TAFA5: variants seen among roughly 807,000 people sequenced by gnomAD.
TAFA5 encodes the protein chemokine-like protein TAFA-5.
A neutral mutation model predicts 15.3 loss-of-function variants in TAFA5; 6 were observed. That is an observed-to-expected ratio of 0.39 (90% CI 0.21 to 0.77). TAFA5 has a LOEUF of 0.77. Among genes scored for constraint, TAFA5 ranks in the 30% least tolerant of loss-of-function variants. TAFA5 has a pLI of 0.41. For synonymous variants in TAFA5, 103 were observed against 80.7 expected (o/e 1.28, Z -1.48); for missense variants, 161 against 193.1 (o/e 0.83, Z 0.98).
At chr22:48,518,683 C>A (rs1017376824) in intron 1 of TAFA5, among the ~76,000 whole-genome samples, 1 of 152,092 alleles carries the variant, frequency 6.6e-6, no homozygotes, top group Non-Finnish European at 1.5e-5. Context: ...CCCTGAGAGA[C>A]CCCTGACGAG....
At position 48,598,041 on chromosome 22, in the gene TAFA5, CT is replaced by C. The variant is rs1198367077; in HGVS notation, c.113-48551del. Among the ~76,000 whole-genome samples the C allele has an allele frequency of 1.3e-5, 2 of 152,150 alleles. No individual in the cohort carries two copies. Among genetic ancestry groups the C allele is most frequent in the Non-Finnish European group, 2.9e-5 (2 of 68,034 alleles). ...GAGAGCGAGAGGGAGCGAGGTTTCCCTTTTTAAAAATAAGCTTCTGCAGTTT... is the reference window on the plus strand; with the variant it reads ...GAGAGCGAGAGGGAGCGAGGTTTCCCTTTTAAAAATAAGCTTCTGCAGTTT... On this transcript the variant is annotated intron_variant, in intron 1 of 3. Coordinates refer to ENST00000402357, the MANE Select transcript of TAFA5 (RefSeq NM_001082967.3). This position sits in a 1 kb window ranked among gnomAD's most constrained non-coding sequence, Gnocchi z 4.0.
chr22:48,716,910 G>A (rs1259310143), intron 3 of TAFA5, among the ~76,000 whole-genome samples: 1 of 152,170 alleles, frequency 6.6e-6, no homozygotes, highest in African/African-American at 2.4e-5. Flanking sequence ...TAAAAGAAAT[G>A]GGAACTAGGA....
chr22:48,575,732 G>A (rs907499828), intron 1 of TAFA5, among the ~76,000 whole-genome samples: 2 of 145,350 alleles, frequency 1.4e-5, no homozygotes, highest in Non-Finnish European at 3.1e-5. Flanking sequence ...GCACCGTCCG[G>A]TGGGGACCGG....
intron 1 of TAFA5, among the ~76,000 whole-genome samples, chr22:48,634,940 C>A (rs562877729): frequency 6.6e-6 from 1 of 152,224 alleles, no homozygotes; most frequent in African/African-American, 2.4e-5. Flanking sequence ...GGTTTGTGTC[C>A]ACACCAAAGA....
intron 1 of TAFA5, among the ~76,000 whole-genome samples, chr22:48,621,344 T>G (rs1483483158): frequency 6.7e-6 from 1 of 149,568 alleles, no homozygotes; most frequent in African/African-American, 2.5e-5. Flanking sequence ...CATCCCTGCT[T>G]CCATCATTTC....
At chr22:48,636,905 G>A (rs977590414) in intron 1 of TAFA5, among the ~76,000 whole-genome samples, 1 of 152,220 alleles carries the variant, frequency 6.6e-6, no homozygotes, top group Non-Finnish European at 1.5e-5. Context: ...CCAGCTGGAC[G>A]GGACAGGCGC....
intron 1 of TAFA5, among the ~76,000 whole-genome samples, chr22:48,535,745 G>A (rs545668342): frequency 3.2e-4 from 46 of 143,870 alleles, no homozygotes; most frequent in African/African-American, 9.4e-4. Context: ...CACATCACAC[G>A]CACGGTCACA....
In TAFA5 at chr22:48,697,984, A is replaced by G. The variant is rs573411321; in HGVS notation, c.263-9733A>G. 3.3e-5 allele frequency among the ~76,000 whole-genome samples: 5 copies of G among 149,622 alleles called. No individual in the cohort carries two copies. The South Asian group carries it at 1.1e-3, about 32-fold the overall frequency. On this transcript the variant is annotated intron_variant, in intron 2 of 3. Transcript: ENST00000402357. ...TGGTGATGATGGTCCTGTTGATAGGATGGTGAGGATGGTGAGCATGATGGT... is the reference window on the plus strand; with the variant it reads ...TGGTGATGATGGTCCTGTTGATAGGGTGGTGAGGATGGTGAGCATGATGGT...
intron 1 of TAFA5, among the ~76,000 whole-genome samples, chr22:48,498,919 C>T (rs1920938808): frequency 1.3e-5 from 2 of 152,220 alleles, no homozygotes; most frequent in Admixed American, 1.3e-4. Context: ...CTTACAGTTT[C>T]TGGGTTTCTC....
chr22:48,514,759 G>GA (rs1234197955), intron 1 of TAFA5, among the ~76,000 whole-genome samples: 2 of 152,230 alleles, frequency 1.3e-5, no homozygotes, highest in African/African-American at 2.4e-5. Flanking sequence ...GGCAAAAAGG[G>GA]AAAATCCACT....
intron 1 of TAFA5, among the ~76,000 whole-genome samples, chr22:48,611,621 G>C (rs1925413777): frequency 6.6e-6 from 1 of 152,162 alleles, no homozygotes; most frequent in South Asian, 2.1e-4. Context: ...GAGACCTTCA[G>C]AGATGTCGCC....
intron 3 of TAFA5, among the ~76,000 whole-genome samples, chr22:48,747,165 G>A (rs1178348142): frequency 3.9e-5 from 6 of 152,200 alleles, no homozygotes; most frequent in Non-Finnish European, 1.5e-5. Flanking sequence ...AGAACTAAGG[G>A]GCCCTGGGAC....
Position 48,609,380 on chromosome 22 carries a change from C to T in TAFA5, c.113-37217C>T, listed in dbSNP as rs570195808. ...GTCCGAGACCTGTGGCATCACTGTC[C>T]GTGCATTGTCTGTGGTGTGAGACCT... is the stretch of plus-strand genomic sequence containing the variant. On this transcript the variant is annotated intron_variant, in intron 1 of 3. Transcript: ENST00000402357. Among the ~76,000 whole-genome samples, 25 of 152,290 alleles carry T rather than the reference C, an allele frequency of 1.6e-4. No homozygotes were observed. In the South Asian group the frequency reaches 4.1e-3, roughly 25 times the overall value.
At chr22:48,509,343 A>T (rs556204467) in intron 1 of TAFA5, among the ~76,000 whole-genome samples, 11 of 152,214 alleles carry the variant, frequency 7.2e-5, no homozygotes, top group East Asian at 3.9e-4. Flanking sequence ...GGATTGCTAG[A>T]TGAGGGCGTA....
intron 1 of TAFA5, among the ~76,000 whole-genome samples, chr22:48,520,382 A>G (rs965222134): frequency 2.0e-5 from 3 of 152,184 alleles, no homozygotes; most frequent in Admixed American, 2.0e-4. Context: ...CCTTCTGTCC[A>G]TTCCACCGTG....
At chr22:48,537,945 G>A (rs1922228493) in intron 1 of TAFA5, among the ~76,000 whole-genome samples, 1 of 152,216 alleles carries the variant, frequency 6.6e-6, no homozygotes, top group Non-Finnish European at 1.5e-5. Context: ...ATTCCCCCGT[G>A]GGCCATTTGG....
At chr22:48,666,514 T>TACTGAGGCCCGTGACCAGCCGA (rs1555897556) in intron 2 of TAFA5, among the ~76,000 whole-genome samples, 44 of 148,560 alleles carry the variant, frequency 3.0e-4, no homozygotes, top group South Asian at 4.3e-4. Flanking sequence ...TGACCAGGCG[T>TACTGAGGCCCGTGACCAGCCGA]TACTGAGGCC....
intron 1 of TAFA5, among the ~76,000 whole-genome samples, chr22:48,548,159 G>A (rs888181462): frequency 2.6e-5 from 4 of 152,216 alleles, no homozygotes; most frequent in African/African-American, 7.2e-5. Flanking sequence ...ATCTGGCCCC[G>A]TGGGGCTTTG....
intron 1 of TAFA5, among the ~76,000 whole-genome samples, chr22:48,588,936 G>A (rs954189244): frequency 6.6e-6 from 1 of 152,234 alleles, no homozygotes; most frequent in African/African-American, 2.4e-5. Context: ...CTCTGCCTCA[G>A]AGAAGGTGGA....
Sources: allele counts gnomAD v4.1 joint callset (sites outside exome capture counted in the v4.1 genomes callset), GRCh38; gene constraint gnomAD v4.1.1; non-coding constraint Gnocchi (gnomAD v3.1); transcripts MANE v1.5; gene names NCBI Gene and HGNC (gene_info 2026-07-23, HGNC 2026-07-21).